The following PTPRR variants were observed in gnomAD, a reference collection of about 807,000 sequenced individuals.
PTPRR encodes receptor-type tyrosine-protein phosphatase R.
Under a neutral mutation model 77.2 loss-of-function variants are expected in PTPRR, and 38 were observed. The observed-to-expected ratio is 0.49, with a 90% CI of 0.38 to 0.65. The LOEUF is 0.65. Among genes scored for constraint, PTPRR ranks in the 30% least tolerant of loss-of-function variants. The probability of loss-of-function intolerance (pLI) is 0.00; values close to 1 mark genes in which losing one functional copy is unlikely to be tolerated. For missense variants in PTPRR, 744 were observed against 799.2 expected (o/e 0.93, Z 0.83); for synonymous variants, 299 against 283.1 (o/e 1.06, Z -0.57).
chr12:70,815,604 T>C (rs1380737295), intron 2 of PTPRR, among the ~76,000 whole-genome samples: 2 of 152,158 alleles, frequency 1.3e-5, no homozygotes, highest in South Asian at 2.1e-4. Context: ...ATGAGACTAC[T>C]TGGGGGGACA....
At chr12:70,801,832 A>G (rs1891621462) in intron 2 of PTPRR, among the ~76,000 whole-genome samples, 1 of 152,102 alleles carries the variant, frequency 6.6e-6, no homozygotes, top group Non-Finnish European at 1.5e-5. Context: ...ATCCAGACTA[A>G]TATATCCATC....
chr12:70,833,049 C>T (rs144229073), intron 2 of PTPRR, among the ~76,000 whole-genome samples: 197 of 152,276 alleles, frequency 1.3e-3, no homozygotes, highest in African/African-American at 4.5e-3. Flanking sequence ...GGGCACCAAG[C>T]CATTCATGAG....
chr12:70,789,262 AT>A (rs1478882290), intron 2 of PTPRR, among the ~76,000 whole-genome samples: 8 of 152,144 alleles, frequency 5.3e-5, no homozygotes, highest in East Asian at 1.9e-4. Flanking sequence ...AAGTATAATA[AT>A]AATAAAATAA....
intron 2 of PTPRR, among the ~76,000 whole-genome samples, chr12:70,873,368 G>T (rs1212458236): frequency 6.6e-6 from 1 of 152,120 alleles, no homozygotes; most frequent in African/African-American, 2.4e-5. Flanking sequence ...AAATGAAGGT[G>T]CCTAGGGATT....
At chr12:70,869,948 T>C (rs866807738) in intron 2 of PTPRR, among the ~76,000 whole-genome samples, 1 of 152,198 alleles carries the variant, frequency 6.6e-6, no homozygotes, top group East Asian at 1.9e-4. Context: ...CATAGGAATC[T>C]AACACAGCCA....
rs1893361459 is a variant in PTPRR at position 70,892,838 on chromosome 12, G to A, written c.198C>T (p.Tyr66=). The A allele has an allele frequency of 3.7e-6, 6 of 1,613,498 alleles. No individual in the cohort carries two copies. Among genetic ancestry groups the A allele is most frequent in the Non-Finnish European group, 4.2e-6 (5 of 1,179,560 alleles). ...IAPQKIYRHS[Y]HSSSEAQVSK... ...TTACTTGAGCTTCGGAAGAGGAATG[G>A]TAGCTATGTCTGTAGATTTTTTGTG... Residue 66 remains tyrosine, a synonymous_variant, in exon 2 of 14, where the codon TAC becomes TAT. Transcript: ENST00000283228.
intron 2 of PTPRR, among the ~76,000 whole-genome samples, chr12:70,782,833 T>C (rs553145524): frequency 2.0e-5 from 3 of 152,172 alleles, no homozygotes; most frequent in South Asian, 2.1e-4. Context: ...ACTTAAAGTA[T>C]AATAAAAAAA....
intron 2 of PTPRR, among the ~76,000 whole-genome samples, chr12:70,797,800 C>T (rs867305342): frequency 4.6e-5 from 7 of 152,188 alleles, no homozygotes; most frequent in South Asian, 2.1e-4. Context: ...TCTTTCTCAT[C>T]TCCTTCACTG....
chr12:70,885,736 G>C (rs531114205), intron 2 of PTPRR, among the ~76,000 whole-genome samples: 1 of 17,650 alleles, frequency 5.7e-5, no homozygotes, highest in East Asian at 1.9e-3. Context: ...GGGTTTCACC[G>C]TTAGCCAGGA....
chr12:70,737,486 ATATCTATCTATCTATCTATC>A (rs10643938), intron 6 of PTPRR, among the ~76,000 whole-genome samples: 4 of 144,140 alleles, frequency 2.8e-5, no homozygotes, highest in Admixed American at 1.4e-4. Flanking sequence ...TATTTAATGA[ATATCTATCTATCTATCTATC>A]TATCTATCTA....
At chr12:70,721,595 GGCAA>G (rs10559695) in intron 6 of PTPRR, among the ~76,000 whole-genome samples, 8,624 of 152,128 alleles carry the variant, frequency 0.057, 831 homozygotes, top group African/African-American at 0.2. Flanking sequence ...ATAGGGCCTT[GGCAA>G]ATGCAGTTTC....
At chr12:70,888,272 T>C (rs1893275942) in intron 2 of PTPRR, among the ~76,000 whole-genome samples, 1 of 152,120 alleles carries the variant, frequency 6.6e-6, no homozygotes, top group South Asian at 2.1e-4. Context: ...TAGCAAAAAA[T>C]AATTTACTTA....
At chr12:70,820,645 A>G (rs771498209) in intron 2 of PTPRR, among the ~76,000 whole-genome samples, 3 of 152,022 alleles carry the variant, frequency 2.0e-5, no homozygotes, top group Admixed American at 6.6e-5. Flanking sequence ...TGTTTTTTCA[A>G]TGAGGTCTCA....
intron 2 of PTPRR, among the ~76,000 whole-genome samples, chr12:70,765,024 G>A (rs979205290): frequency 5.9e-5 from 9 of 152,170 alleles, no homozygotes; most frequent in African/African-American, 2.2e-4. Context: ...TATTATAGGG[G>A]TGGAGCCAAG....
chr12:70,672,260 T>C, intron 10 of PTPRR: 1 of 1,593,138 alleles, frequency 6.3e-7, no homozygotes, highest in Admixed American at 1.7e-5. Flanking sequence ...GGGCATGAAT[T>C]ATGTGGACCA....
chr12:70,823,108 GAC>G (rs58549756), intron 2 of PTPRR, among the ~76,000 whole-genome samples: 14,588 of 139,480 alleles, frequency 0.1, 745 homozygotes, highest in African/African-American at 0.12. Context: ...CTCTCTCTCT[GAC>G]ACACACACAC....
At chr12:70,821,212 G>GATTTTTTTTTTTTT (rs1252907478) in intron 2 of PTPRR, among the ~76,000 whole-genome samples, 1 of 44,552 alleles carries the variant, frequency 2.2e-5, no homozygotes, top group Non-Finnish European at 5.2e-5. Flanking sequence ...AGGGATCACT[G>GATTTTTTTTTTTTT]CTTTTTTTTT....
chr12:70,650,391 C>A (rs1415390504), intron 13 of PTPRR, among the ~76,000 whole-genome samples: 1 of 152,050 alleles, frequency 6.6e-6, no homozygotes, highest in Non-Finnish European at 1.5e-5. Flanking sequence ...AATGCTACTG[C>A]ACTCCAGCCT....
intron 1 of PTPRR, among the ~76,000 whole-genome samples, chr12:70,906,017 C>A (rs1051204831): frequency 2.6e-5 from 4 of 151,814 alleles, no homozygotes; most frequent in Non-Finnish European, 5.9e-5. Context: ...TTTGTTAATG[C>A]CTCTCAGGAA....
Sources: allele counts gnomAD v4.1 joint callset (sites outside exome capture counted in the v4.1 genomes callset), GRCh38; gene constraint gnomAD v4.1.1; transcripts MANE v1.5; gene names NCBI Gene and HGNC (gene_info 2026-07-23, HGNC 2026-07-21).